Variants in CDH13 observed in about 807,000 individuals in gnomAD.
CDH13 encodes cadherin-13.
Under a neutral mutation model 63.8 loss-of-function variants are expected in CDH13, and 24 were observed. The observed-to-expected ratio is 0.38, with a 90% CI of 0.27 to 0.53. CDH13 has a LOEUF of 0.53. CDH13 is among the 20% of genes least tolerant of loss of function. The probability of loss-of-function intolerance (pLI) is 0.85; values close to 1 mark genes in which losing one functional copy is unlikely to be tolerated. For synonymous variants in CDH13, 503 were observed against 355.3 expected (o/e 1.42, Z -4.67); for missense variants, 1,049 against 903.1 (o/e 1.16, Z -2.07).
In CDH13 at chr16:82,712,624, T is replaced by C. The variant is rs373693486; in HGVS notation, c.45+85487T>C. ...CAAAATGCAGCAGTAAAGTGTTCCA[T>C]AATCCACACTTCAGTCTACATAAAT... On this transcript the variant is annotated intron_variant, in intron 1 of 13. Transcript: ENST00000567109. Among the ~76,000 whole-genome samples the C allele has an allele frequency of 3.9e-4, 60 of 152,322 alleles. 2 individuals are homozygous for C. The South Asian group carries it at 0.012, about 32-fold the overall frequency.
intron 2 of CDH13, among the ~76,000 whole-genome samples, chr16:82,874,116 G>C: frequency 6.6e-6 from 1 of 152,074 alleles, no homozygotes; most frequent in Non-Finnish European, 1.5e-5. Context: ...ATTAAAACAG[G>C]TTGGCATTTC....
intron 7 of CDH13, among the ~76,000 whole-genome samples, chr16:83,525,624 C>T (rs1019033882): frequency 7.9e-5 from 12 of 152,128 alleles, no homozygotes; most frequent in African/African-American, 2.9e-4. Flanking sequence ...AAGATAATGG[C>T]CCTCCCAAAG....
At chr16:83,693,525 A>G (rs1327563339) in intron 10 of CDH13, among the ~76,000 whole-genome samples, 1 of 152,196 alleles carries the variant, frequency 6.6e-6, no homozygotes, top group Non-Finnish European at 1.5e-5. Context: ...TCTCATGATA[A>G]CAGTCTCTTC....
chr16:83,053,020 T>A (rs1275309645), intron 3 of CDH13, among the ~76,000 whole-genome samples: 5 of 152,144 alleles, frequency 3.3e-5, no homozygotes, highest in African/African-American at 1.2e-4. Context: ...GGACACATTC[T>A]TTTCGAAGGC....
chr16:82,955,209 T>C (rs1332285911), intron 2 of CDH13, among the ~76,000 whole-genome samples: 8 of 152,208 alleles, frequency 5.3e-5, no homozygotes, highest in Non-Finnish European at 1.0e-4. Context: ...CCAAGCAGTC[T>C]TAGAGTTTAT....
intron 6 of CDH13, among the ~76,000 whole-genome samples, chr16:83,381,096 C>T (rs1257112744): frequency 1.3e-5 from 2 of 152,146 alleles, no homozygotes; most frequent in African/African-American, 2.4e-5. Context: ...TTCCAGGAAA[C>T]ATGCTAAGTA....
At chr16:83,064,299 G>T (rs971114988) in intron 3 of CDH13, among the ~76,000 whole-genome samples, 1 of 152,112 alleles carries the variant, frequency 6.6e-6, no homozygotes. Context: ...AACCCGGGAG[G>T]TGGAGGTCGC....
At chr16:82,972,928 A>G (rs192465847) in intron 2 of CDH13, among the ~76,000 whole-genome samples, 26 of 152,308 alleles carry the variant, frequency 1.7e-4, no homozygotes, top group African/African-American at 5.3e-4. Context: ...GTAGGCGTCT[A>G]AAGAATCACC....
At chr16:83,556,325 T>C (rs777268207) in intron 7 of CDH13, among the ~76,000 whole-genome samples, 1 of 152,186 alleles carries the variant, frequency 6.6e-6, no homozygotes, top group Non-Finnish European at 1.5e-5. Flanking sequence ...AAAGATAGTA[T>C]GAGGAAGCAG....
chr16:82,901,510 G>A (rs772233974), intron 2 of CDH13, among the ~76,000 whole-genome samples: 1 of 152,112 alleles, frequency 6.6e-6, no homozygotes, highest in Admixed American at 6.6e-5. Context: ...ACAAGCAAGT[G>A]TGTGAGTGAA....
intron 1 of CDH13, among the ~76,000 whole-genome samples, chr16:82,743,808 T>G (rs974074049): frequency 6.6e-6 from 1 of 152,216 alleles, no homozygotes; most frequent in Non-Finnish European, 1.5e-5. Context: ...AAGTGTATTT[T>G]TAATACAAAT....
At position 83,080,151 on chromosome 16, in the gene CDH13, A is replaced by T. The variant is rs546619787; in HGVS notation, c.367-45234A>T. 2.0e-4 allele frequency among the ~76,000 whole-genome samples: 31 copies of T among 152,262 alleles called. No individual in the cohort carries two copies. In the South Asian group the frequency reaches 2.9e-3, roughly 14 times the overall value. ...GCAGAAGGGAGTAACAAGTGATGTGATGATAAAGTGTTCTTTCTCTCTCGG... is the reference window on the plus strand; with the variant it reads ...GCAGAAGGGAGTAACAAGTGATGTGTTGATAAAGTGTTCTTTCTCTCTCGG... On this transcript the variant is annotated intron_variant, in intron 3 of 13. Coordinates refer to ENST00000567109, the MANE Select transcript of CDH13 (RefSeq NM_001257.5).
At chr16:82,861,702 G>A (rs1174268199) in intron 2 of CDH13, among the ~76,000 whole-genome samples, 1 of 152,058 alleles carries the variant, frequency 6.6e-6, no homozygotes, top group Non-Finnish European at 1.5e-5. Context: ...CAGTTGTTCT[G>A]AAGCCTTTTA....
At chr16:82,806,442 C>G (rs2037149032) in intron 1 of CDH13, among the ~76,000 whole-genome samples, 1 of 152,124 alleles carries the variant, frequency 6.6e-6, no homozygotes, top group Non-Finnish European at 1.5e-5. Context: ...TCTTACAAAA[C>G]AAAACTTGGA....
chr16:82,688,559 C>A (rs912560547), intron 1 of CDH13, among the ~76,000 whole-genome samples: 5 of 152,186 alleles, frequency 3.3e-5, no homozygotes, highest in African/African-American at 1.2e-4. Flanking sequence ...AATAAAACAT[C>A]AACTATGACA....
At chr16:82,979,046 A>T (rs1163993482) in intron 2 of CDH13, among the ~76,000 whole-genome samples, 1 of 152,218 alleles carries the variant, frequency 6.6e-6, no homozygotes, top group Non-Finnish European at 1.5e-5. Flanking sequence ...ACATGAAGTC[A>T]AAGGGGATTA....
At chr16:83,743,173 A>C (rs1912221309) in intron 10 of CDH13, among the ~76,000 whole-genome samples, 1 of 152,172 alleles carries the variant, frequency 6.6e-6, no homozygotes, top group African/African-American at 2.4e-5. Flanking sequence ...CTGCCACTGC[A>C]CTCCAGCCTG....
intron 1 of CDH13, among the ~76,000 whole-genome samples, chr16:82,845,534 T>C (rs760087221): frequency 1.3e-5 from 2 of 152,354 alleles, no homozygotes; most frequent in East Asian, 1.9e-4. Context: ...ACCCCTCAGA[T>C]GACAGACCTA....
At chr16:83,274,885 C>T (rs574787825) in intron 5 of CDH13, among the ~76,000 whole-genome samples, 1 of 152,158 alleles carries the variant, frequency 6.6e-6, no homozygotes, top group African/African-American at 2.4e-5. Context: ...TCCTTCTTAG[C>T]ACACAAAATC....
Sources: gnomAD v4.1 joint callset for allele counts (sites outside exome capture counted in the v4.1 genomes callset) on GRCh38, gnomAD v4.1.1 for gene constraint, MANE v1.5 for transcripts, NCBI Gene and HGNC (gene_info 2026-07-23, HGNC 2026-07-21) for gene names.